Variants in KCND3 observed in about 807,000 individuals in gnomAD.
The protein encoded by KCND3 is A-type voltage-gated potassium channel KCND3.
In KCND3, 9 loss-of-function variants were observed where a neutral mutation model predicts 51.1. The observed-to-expected ratio is 0.18, with a 90% CI of 0.11 to 0.31. The LOEUF (loss-of-function observed/expected upper bound fraction) is 0.31, where lower values mean the gene tolerates loss of function less well. Ranked by LOEUF, KCND3 falls within the 10% of genes least tolerant of loss-of-function variation. The pLI is 1.00. For synonymous variants in KCND3, 349 were observed against 368.0 expected (o/e 0.95, Z 0.59); for missense variants, 526 against 903.8 (o/e 0.58, Z 5.36).
intron 2 of KCND3, among the ~76,000 whole-genome samples, chr1:111,908,066 C>T (rs1670733069): frequency 6.6e-6 from 1 of 152,220 alleles, no homozygotes; most frequent in Non-Finnish European, 1.5e-5. Context: ...GCCGACATAA[C>T]AGCTTTACTT....
At chr1:111,969,142 C>T (rs375049489) in intron 2 of KCND3, among the ~76,000 whole-genome samples, 9 of 152,182 alleles carry the variant, frequency 5.9e-5, no homozygotes, top group East Asian at 5.8e-4. Flanking sequence ...CTGCCTGCCA[C>T]GGGTGTCCAT....
chr1:111,906,077 T>C (rs1428356743), intron 2 of KCND3, among the ~76,000 whole-genome samples: 1 of 152,222 alleles, frequency 6.6e-6, no homozygotes, highest in Non-Finnish European at 1.5e-5. Flanking sequence ...TCCTGGGGGC[T>C]GTGAGCCCCA....
At chr1:111,983,641 G>A (rs576474337) in intron 1 of KCND3, among the ~76,000 whole-genome samples, 7 of 152,050 alleles carry the variant, frequency 4.6e-5, no homozygotes, top group African/African-American at 1.7e-4. Flanking sequence ...GCCGATCCGC[G>A]CTCACTGCCG....
chr1:111,950,745 G>A (rs771121838), intron 2 of KCND3, among the ~76,000 whole-genome samples: 6 of 152,208 alleles, frequency 3.9e-5, no homozygotes, highest in Non-Finnish European at 5.9e-5. Context: ...CCTTTGAAGG[G>A]AGAGGTGACA....
intron 2 of KCND3, among the ~76,000 whole-genome samples, chr1:111,814,084 A>G (rs1267455900): frequency 6.6e-6 from 1 of 152,340 alleles, no homozygotes; most frequent in Admixed American, 6.5e-5. Flanking sequence ...GTGCAAATAT[A>G]AATAACGGAA....
intron 2 of KCND3, among the ~76,000 whole-genome samples, chr1:111,906,345 C>A (rs1670650324): frequency 6.6e-6 from 1 of 152,156 alleles, no homozygotes; most frequent in South Asian, 2.1e-4. Flanking sequence ...CAGCGTCTTA[C>A]CTGGCAACAT....
intron 2 of KCND3, among the ~76,000 whole-genome samples, chr1:111,824,973 T>C (rs1666510352): frequency 6.6e-6 from 1 of 152,168 alleles, no homozygotes; most frequent in African/African-American, 2.4e-5. Flanking sequence ...GTGATTGGCT[T>C]TCTGTGTGGC....
intron 2 of KCND3, among the ~76,000 whole-genome samples, chr1:111,972,533 G>C (rs2101965843): frequency 6.6e-6 from 1 of 152,252 alleles, no homozygotes; most frequent in South Asian, 2.1e-4. Flanking sequence ...CAAACATCAA[G>C]CCCTTTTGCA....
intron 2 of KCND3, among the ~76,000 whole-genome samples, chr1:111,861,096 C>G (rs1466596002): frequency 2.0e-5 from 3 of 152,106 alleles, no homozygotes; most frequent in African/African-American, 7.2e-5. Context: ...ATGGGGTCAA[C>G]TCACCAGTTC....
At chr1:111,969,772 A>C (rs1674219949) in intron 2 of KCND3, among the ~76,000 whole-genome samples, 1 of 152,130 alleles carries the variant, frequency 6.6e-6, no homozygotes, top group South Asian at 2.1e-4. Context: ...TCTGGCTAAC[A>C]ACCCTAAAGA....
chr1:111,980,367 C>T (rs12354365), intron 2 of KCND3, among the ~76,000 whole-genome samples: 2,327 of 152,176 alleles, frequency 0.015, 30 homozygotes, highest in Non-Finnish European at 0.023. Flanking sequence ...TACTCCCTCC[C>T]TCTTGTGTGT....
intron 2 of KCND3, among the ~76,000 whole-genome samples, chr1:111,793,175 T>G (rs2101519766): frequency 1.3e-5 from 2 of 148,676 alleles, no homozygotes; most frequent in South Asian, 4.2e-4. Flanking sequence ...AGAAGCATAT[T>G]CTTTTTTTTT....
chr1:111,968,793 TGTGATCTCTCTA>T (rs1213151317), intron 2 of KCND3, among the ~76,000 whole-genome samples: 1 of 152,178 alleles, frequency 6.6e-6, no homozygotes, highest in Non-Finnish European at 1.5e-5. Flanking sequence ...CTGGCTGGGC[TGTGATCTCTCTA>T]GTGGACTAGG....
chr1:111,918,082 A>G (rs559752564), intron 2 of KCND3, among the ~76,000 whole-genome samples: 2 of 152,340 alleles, frequency 1.3e-5, no homozygotes, highest in South Asian at 4.1e-4. Context: ...CCCAAATCCA[A>G]TTGTGGCACA....
intron 2 of KCND3, among the ~76,000 whole-genome samples, chr1:111,937,738 A>G (rs2101877132): frequency 6.6e-6 from 1 of 152,332 alleles, no homozygotes; most frequent in Non-Finnish European, 1.5e-5. Context: ...AAAAGGGGAC[A>G]GGCCCTTAGC....
At chr1:111,968,333 C>G (rs1674120551) in intron 2 of KCND3, among the ~76,000 whole-genome samples, 1 of 150,892 alleles carries the variant, frequency 6.6e-6, no homozygotes, top group African/African-American at 2.4e-5. Flanking sequence ...TTTTTGCAGG[C>G]AGAAGAGAAA....
intron 3 of KCND3, among the ~76,000 whole-genome samples, chr1:111,784,744 C>A (rs1189123697): frequency 6.6e-6 from 1 of 152,010 alleles, no homozygotes; most frequent in African/African-American, 2.4e-5. Flanking sequence ...AGCTGAGCAG[C>A]CTTGAGGAGA....
chr1:111,806,190 G>C (rs951919396), intron 2 of KCND3, among the ~76,000 whole-genome samples: 65 of 152,324 alleles, frequency 4.3e-4, no homozygotes, highest in African/African-American at 1.4e-3. Flanking sequence ...TCACTCAAAG[G>C]GGGGCACATC....
chr1:111,986,913 G>T (rs1401615939), intron 1 of KCND3, among the ~76,000 whole-genome samples: 1 of 152,082 alleles, frequency 6.6e-6, no homozygotes, highest in Non-Finnish European at 1.5e-5. Flanking sequence ...AGAACCCCTG[G>T]CCACCTTCCT....
Sources: gnomAD v4.1 joint callset for allele counts (sites outside exome capture counted in the v4.1 genomes callset) on GRCh38, gnomAD v4.1.1 for gene constraint, MANE v1.5 for transcripts, NCBI Gene and HGNC (gene_info 2026-07-23, HGNC 2026-07-21) for gene names.